NAA50: variants seen among roughly 807,000 people sequenced by gnomAD.
NAA50 encodes N-alpha-acetyltransferase 50.
A neutral mutation model predicts 20.7 loss-of-function variants in NAA50; 7 were observed. That is an observed-to-expected ratio of 0.34 (90% CI 0.19 to 0.63). NAA50 has a LOEUF of 0.63. NAA50 is among the 30% of genes least tolerant of loss of function. The pLI, the probability that NAA50 is intolerant of heterozygous loss-of-function variation, is 0.75. For synonymous variants in NAA50, 54 were observed against 70.6 expected, an observed-to-expected ratio of 0.77 and a Z score of 1.18; for missense variants, 111 against 199.1, an observed-to-expected ratio of 0.56 and a Z score of 2.66.
In NAA50 at chr3:113,742,933, C is replaced by T. The variant is rs542990794; in HGVS notation, c.8+3009G>A. On this transcript the variant is annotated intron_variant, in intron 1 of 4. Transcript: ENST00000240922. The stretch of plus-strand genomic sequence containing the variant: ...TCAGTCATGGTTATCTGTGGCATAC[C>T]TTCTTGCTTGAAATCGCCTTCCCTA... Among the ~76,000 whole-genome samples the T allele has an allele frequency of 3.9e-5, 6 of 152,248 alleles. 1 individual carries two copies. In the South Asian group the frequency reaches 1.2e-3, roughly 32 times the overall value.
At chr3:113,744,942 C>T (rs895882496) in intron 1 of NAA50, among the ~76,000 whole-genome samples, 30 of 152,142 alleles carry the variant, frequency 2.0e-4, no homozygotes, top group African/African-American at 6.5e-4. Flanking sequence ...GGAATGACTT[C>T]GTTAACTTAA....
chr3:113,722,660 A>G (rs1708149431), intron 4 of NAA50, among the ~76,000 whole-genome samples: 1 of 152,168 alleles, frequency 6.6e-6, no homozygotes, highest in Non-Finnish European at 1.5e-5. Context: ...TCCTGATTTC[A>G]TCCCTGTGAC....
chr3:113,724,828 C>T (rs1470629286), intron 1 of NAA50, among the ~76,000 whole-genome samples: 1 of 152,164 alleles, frequency 6.6e-6, no homozygotes, highest in Non-Finnish European at 1.5e-5. Flanking sequence ...CTCACAAGAT[C>T]TGATGGTTTT....
chr3:113,728,911 G>A (rs1001641079), intron 1 of NAA50, among the ~76,000 whole-genome samples: 1 of 151,994 alleles, frequency 6.6e-6, no homozygotes, highest in Admixed American at 6.6e-5. Flanking sequence ...ATCCTTGGCT[G>A]CAGTATATGT....
chr3:113,743,970 T>C (rs891659967), intron 1 of NAA50, among the ~76,000 whole-genome samples: 2 of 152,218 alleles, frequency 1.3e-5, no homozygotes, highest in African/African-American at 4.8e-5. Context: ...TCACAGCCTA[T>C]GGAGACTGAA....
chr3:113,727,205 T>C (rs1404011074), intron 1 of NAA50, among the ~76,000 whole-genome samples: 7 of 152,224 alleles, frequency 4.6e-5, no homozygotes, highest in South Asian at 2.1e-4. Flanking sequence ...TTTTTTTATA[T>C]ACAGTTTGTA....
At position 113,718,414 on chromosome 3, in the gene NAA50, GT is replaced by G. The variant is rs950858129; in HGVS notation, c.*3345del. 2 of 152,106 alleles carry G rather than the reference GT, an allele frequency of 1.3e-5. No individual in the cohort carries two copies. Among genetic ancestry groups the G allele is most frequent in the African/African-American group, 4.8e-5 (2 of 41,414 alleles). The allele number at this position is 152,106 out of a possible 1,614,324, so 9.4% of individuals were successfully genotyped here. ...CTGTGGAAGGTAATACTTGTTTGTT[GT>G]TTTAAACTACAGTAATAACTGAGAC... On this transcript the variant is annotated 3_prime_UTR_variant, in exon 5 of 5. Transcript: ENST00000240922.
intron 1 of NAA50, among the ~76,000 whole-genome samples, chr3:113,737,977 G>C (rs1481523809): frequency 6.6e-6 from 1 of 152,098 alleles, no homozygotes; most frequent in East Asian, 1.9e-4. Context: ...AGCCAAAGTG[G>C]GCAGATCCTT....
intron 3 of NAA50, 138 bp downstream of exon 3, chr3:113,723,284 T>C (rs1446931909): frequency 1.1e-6 from 1 of 878,174 alleles, no homozygotes. Flanking sequence ...CTAGTTATTT[T>C]TCACCATATT....
chr3:113,719,091 A>G lies in NAA50; in HGVS notation c.*2669T>C, dbSNP rs1708099937. 6.6e-6 allele frequency: 1 copy of G among 152,596 alleles called. No homozygotes were observed. The highest frequency in any genetic ancestry group is 2.4e-5 in the African/African-American group (1 of 41,442). The allele number at this position is 152,596 out of a possible 1,614,324, so 9.5% of individuals were successfully genotyped here. ...ACCAAGTAAACTTAGCCATTTAAGT[A>G]TTTTTTTAAGTTATTCCCTCCAAAA... On this transcript the variant is annotated 3_prime_UTR_variant, in exon 5 of 5. Coordinates refer to ENST00000240922, the MANE Select transcript of NAA50 (RefSeq NM_025146.4).
chr3:113,734,596 T>C (rs561625003), intron 1 of NAA50, among the ~76,000 whole-genome samples: 1 of 152,356 alleles, frequency 6.6e-6, no homozygotes, highest in South Asian at 2.1e-4. Flanking sequence ...TGATTCCTCG[T>C]TTATTTCTTA....
Position 113,722,976 on chromosome 3 carries a change from T to TTCCTAGCC in NAA50, c.266-5_266-4insGGCTAGGA. 6.6e-7 allele frequency: 1 copy of TTCCTAGCC among 1,521,720 alleles called. No homozygotes were observed. Among genetic ancestry groups the TTCCTAGCC allele is most frequent in the Admixed American group, 2.1e-5 (1 of 48,738 alleles). 94.3% of individuals were successfully genotyped at this position (1,521,720 alleles called of 1,614,324 possible). A position where few individuals can be genotyped will look rare whatever the true frequency, so the allele number is the denominator to read the frequency against. ...ACATGATTTAACATTTTAGTTCCTG[T>TTCCTAGCC]TAATAAAATAAATAACAAACACGTG... On this transcript the variant is annotated splice_polypyrimidine_tract_variant and splice_region_variant and intron_variant, in intron 3 of 4. Transcript: ENST00000240922.
intron 1 of NAA50, among the ~76,000 whole-genome samples, chr3:113,729,528 A>G (rs1031862322): frequency 1.4e-5 from 2 of 146,312 alleles, no homozygotes; most frequent in African/African-American, 2.5e-5. Context: ...GTTCATTAAT[A>G]CGCAGTTTTC....
chr3:113,743,656 G>C (rs186795867), intron 1 of NAA50, among the ~76,000 whole-genome samples: 61 of 152,188 alleles, frequency 4.0e-4, no homozygotes, highest in African/African-American at 1.3e-3. Flanking sequence ...TAAGTTAAAG[G>C]GATTATTCCT....
At position 113,723,975 on chromosome 3, in the gene NAA50, G is replaced by A; in HGVS notation, c.129C>T (p.Gly43=). Residue 43 remains glycine (G), a synonymous_variant, in exon 2 of 5, where the codon GGC becomes GGT. Transcript: ENST00000240922. ...ATATTATACCAAGTTTTGCTAGCTC[G>A]CCAACCTCCAGCACATCCTTGTAGA... ...DKFYKDVLEV[G]ELAKLAYFND... is the part of the protein sequence containing the mutation. 3 of 1,583,118 alleles carry A rather than the reference G, an allele frequency of 1.9e-6. No individual in the cohort carries two copies. The highest frequency in any genetic ancestry group is 1.7e-6 in the Non-Finnish European group (2 of 1,167,408).
intron 3 of NAA50, 150 bp from the exon 4 acceptor site, chr3:113,723,122 C>CTA: frequency 8.7e-7 from 1 of 1,153,394 alleles, no homozygotes; most frequent in East Asian, 2.7e-5. Flanking sequence ...GTTGTGTTCT[C>CTA]TCTCTACAAT....
intron 4 of NAA50, 22 bp from the exon 5 acceptor site, chr3:113,721,959 G>A: frequency 1.3e-6 from 2 of 1,585,014 alleles, no homozygotes; most frequent in Admixed American, 3.8e-5. Context: ...GAGAGTATCA[G>A]AAAAAAAATT....
In NAA50 at chr3:113,746,038, A is replaced by G; in HGVS notation, c.-89T>C. The G allele has an allele frequency of 1.9e-6, 3 of 1,547,220 alleles. No homozygotes were observed. Among genetic ancestry groups the G allele is most frequent in the Middle Eastern group, 1.7e-4 (1 of 5,984 alleles). The stretch of plus-strand genomic sequence containing the variant: ...GGTCTCCGCACCCTTAGCTCGGGCC[A>G]CTCAACCCCGCAAGCCGGCCTCCTA... On this transcript the variant is annotated 5_prime_UTR_variant, in exon 1 of 5. Transcript: ENST00000240922.
At chr3:113,725,043 T>C (rs1299676593) in intron 1 of NAA50, among the ~76,000 whole-genome samples, 1 of 152,194 alleles carries the variant, frequency 6.6e-6, no homozygotes, top group African/African-American at 2.4e-5. Flanking sequence ...AAAGGACTAA[T>C]AAAAGGAGCA....
Sources: gnomAD v4.1 joint callset for allele counts (sites outside exome capture counted in the v4.1 genomes callset) on GRCh38, gnomAD v4.1.1 for gene constraint, MANE v1.5 for transcripts, NCBI Gene and HGNC (gene_info 2026-07-23, HGNC 2026-07-21) for gene names.